Variants in TSPAN32 observed in about 807,000 individuals in gnomAD.
TSPAN32 encodes the protein tetraspanin-32.
In TSPAN32, 47 loss-of-function variants were observed where a neutral mutation model predicts 42.7. The observed-to-expected ratio is 1.10, with a 90% CI of 0.87 to 1.40. TSPAN32 has a LOEUF of 1.40. TSPAN32 is among the 40% of genes most tolerant of loss of function. The pLI is 0.00. For synonymous variants in TSPAN32, 175 were observed against 175.9 expected (o/e 0.99, Z 0.04); for missense variants, 469 against 424.1 (o/e 1.11, Z -0.93).
At position 2,316,821 on chromosome 11, in the gene TSPAN32, G is replaced by A. The variant is rs569560365; in HGVS notation, c.719+154G>A. The stretch of plus-strand genomic sequence containing the variant: ...GCTTTGGGGGTGGCTGAGCACCAGG[G>A]TGGGGTGGGAGACCTGGAGAGTTTC... On this transcript the variant is annotated intron_variant, in intron 8 of 9. Coordinates refer to ENST00000182290, the MANE Select transcript of TSPAN32 (RefSeq NM_139022.3). 2.0e-5 allele frequency among the ~76,000 whole-genome samples: 3 copies of A among 152,196 alleles called. No homozygotes were observed. The East Asian group carries it at 5.8e-4, about 29-fold the overall frequency.
Position 2,316,254 on chromosome 11 carries a change from T to C in TSPAN32, c.569T>C (p.Phe190Ser). 2.5e-6 allele frequency: 4 copies of C among 1,601,012 alleles called. No homozygotes were observed. In the South Asian group the frequency reaches 4.5e-5, roughly 18 times the overall value. ...GACTGCCTTCAGGGCATCCGGAGCT[T>C]CCTGAGGACACACCAGCAGGTCGCC... ...REDCLQGIRS[F>S]LRTHQQVASS... Residue 190 changes from phenylalanine (F) to serine (S), a missense_variant, in exon 7 of 10, where the codon TTC becomes TCC. Coordinates refer to ENST00000182290, the MANE Select transcript of TSPAN32 (RefSeq NM_139022.3).
chr11:2,310,746 T>C (rs1848413435), intron 4 of TSPAN32, among the ~76,000 whole-genome samples: 1 of 152,190 alleles, frequency 6.6e-6, no homozygotes, highest in Non-Finnish European at 1.5e-5. Flanking sequence ...GTGCAAAGAC[T>C]CTTCCTCCTC....
In TSPAN32 at chr11:2,317,609, G is replaced by A. The variant is rs1035183105; in HGVS notation, c.901+84G>A. 2.7e-6 allele frequency: 4 copies of A among 1,500,974 alleles called. No individual in the cohort carries two copies. In the African/African-American group the frequency reaches 5.6e-5, roughly 21 times the overall value. 93.0% of individuals were successfully genotyped at this position (1,500,974 alleles called of 1,614,324 possible). On this transcript the variant is annotated intron_variant, in intron 9 of 9. Transcript: ENST00000182290. This position sits in a 1 kb window ranked among gnomAD's most constrained non-coding sequence, Gnocchi z 6.2. ...GAGGAGGGAAGGGAGTGAAGGCCCA[G>A]CCAGAGAGCCAGGCTCCATTGGGAA... is the stretch of plus-strand genomic sequence containing the variant.
intron 6 of TSPAN32, chr11:2,315,804 C>T (rs1848751656): frequency 3.0e-6 from 4 of 1,321,534 alleles, no homozygotes; most frequent in Non-Finnish European, 3.0e-6. Flanking sequence ...CGGGGACCCC[C>T]CTCACACCCC....
intron 4 of TSPAN32, chr11:2,309,537 G>C: frequency 5.6e-6 from 2 of 355,690 alleles, no homozygotes; most frequent in South Asian, 3.9e-5. Flanking sequence ...CAGCCGGGCG[G>C]CACCAGGGAC....
At chr11:2,311,321 G>A (rs989550706) in intron 4 of TSPAN32, among the ~76,000 whole-genome samples, 1 of 152,168 alleles carries the variant, frequency 6.6e-6, no homozygotes, top group South Asian at 2.1e-4. Flanking sequence ...ATGCTCATGC[G>A]GGCAGGAGGC....
intron 2 of TSPAN32, 62 bp downstream of exon 2, chr11:2,303,020 G>A (rs1414911118): frequency 1.7e-5 from 25 of 1,453,960 alleles, no homozygotes; most frequent in African/African-American, 2.8e-5. Flanking sequence ...TGGCTGGCAC[G>A]AGCCCAGCTG....
chr11:2,315,961 C>G, intron 6 of TSPAN32: 7 of 1,530,024 alleles, frequency 4.6e-6, no homozygotes, highest in Non-Finnish European at 6.1e-6. Flanking sequence ...CCAACATGGA[C>G]GCTCAGGACA....
chr11:2,314,661 A>G, intron 6 of TSPAN32, 90 bp downstream of exon 6: 1 of 1,067,014 alleles, frequency 9.4e-7, no homozygotes, highest in South Asian at 1.4e-5. Context: ...CCATCCTCCC[A>G]CCCCACCCCT....
At chr11:2,306,929 A>AG (rs1264578669) in intron 3 of TSPAN32, 5 of 88,194 alleles carry the variant, frequency 5.7e-5, no homozygotes, top group Admixed American at 2.4e-4. Context: ...GAGGAGATGG[A>AG]GGAGGGGGAA....
chr11:2,302,927 G>A lies in TSPAN32; in HGVS notation c.150G>A (p.Glu50=). 1 of 1,613,728 alleles carries A rather than the reference G, an allele frequency of 6.2e-7. No homozygotes were observed. The highest frequency in any genetic ancestry group is 8.5e-7 in the Non-Finnish European group (1 of 1,179,850). ...CTGTCATCCGCCGAGCGTCCCTGGAGAAGAACCCGTACCAGGCTGTGCACC... is the reference window on the plus strand; with the variant it reads ...CTGTCATCCGCCGAGCGTCCCTGGAAAAGAACCCGTACCAGGCTGTGCACC... ...HFAVIRRASL[E]KNPYQAVHQW... is the part of the protein sequence containing the mutation. The change falls in exon 2 of 10, where the codon GAG becomes GAA. Residue 50 remains glutamate (E), a synonymous_variant. Coordinates refer to ENST00000182290, the MANE Select transcript of TSPAN32 (RefSeq NM_139022.3).
chr11:2,314,196 G>A (rs1848648035), intron 5 of TSPAN32, among the ~76,000 whole-genome samples: 1 of 150,854 alleles, frequency 6.6e-6, no homozygotes, highest in Non-Finnish European at 1.5e-5. Flanking sequence ...AAAAATAAAA[G>A]CACATACAGC....
chr11:2,317,420 G>A lies in TSPAN32; in HGVS notation c.796G>A (p.Glu266Lys), dbSNP rs770684289. The change falls in exon 9 of 10, where the codon GAA (glutamate) becomes AAA (lysine). Residue 266 changes from glutamate to lysine, a missense_variant. Physicochemically the swap from Glu to Lys is moderately conservative, Grantham distance 56. Coordinates refer to ENST00000182290, the MANE Select transcript of TSPAN32 (RefSeq NM_139022.3). This position sits in a 1 kb window ranked among gnomAD's most constrained non-coding sequence, Gnocchi z 6.2. ...TGGACCCACACATTGTCTCCACTCCGAAGCAGTTGCTATTGGTCCAAGAGG... is the reference window on the plus strand; with the variant it reads ...TGGACCCACACATTGTCTCCACTCCAAAGCAGTTGCTATTGGTCCAAGAGG... ...QGGPTHCLHS[E>K]AVAIGPRGCS... The A allele has an allele frequency of 2.4e-5, 38 of 1,603,090 alleles. No homozygotes were observed. Among genetic ancestry groups the A allele is most frequent in the African/African-American group, 2.7e-5 (2 of 74,680 alleles).
chr11:2,304,907 C>T lies in TSPAN32; in HGVS notation c.279+703C>T, dbSNP rs1489019251. On this transcript the variant is annotated intron_variant, in intron 3 of 9. Coordinates refer to ENST00000182290, the MANE Select transcript of TSPAN32 (RefSeq NM_139022.3). This position sits in a 1 kb window ranked among gnomAD's most constrained non-coding sequence, Gnocchi z 4.8. ...CTAGGCCCACAGCCCTCTTCTCTCA[C>T]CCCAGCTGGGGCAGCTCCTCCCTGG... Among the ~76,000 whole-genome samples the T allele has an allele frequency of 6.6e-6, 1 of 152,198 alleles. No homozygotes were observed. Among genetic ancestry groups the T allele is most frequent in the Admixed American group, 6.5e-5 (1 of 15,286 alleles).
chr11:2,305,285 TG>T (rs1207137476), intron 3 of TSPAN32, among the ~76,000 whole-genome samples: 2 of 151,068 alleles, frequency 1.3e-5, no homozygotes, highest in Non-Finnish European at 2.9e-5. Flanking sequence ...CACACGAGCA[TG>T]GGCAGGGACA....
Position 2,302,845 on chromosome 11 carries a change from T to G in TSPAN32, c.68T>G (p.Leu23Arg). The change falls in exon 2 of 10, where the codon CTG (leucine) becomes CGG (arginine). Residue 23 changes from leucine (L) to arginine (R), a missense_variant and splice_region_variant. By Grantham distance (102) the Leu-to-Arg change is moderately radical. Transcript: ENST00000182290. ...QMLVTCFFIL[L>R]LGLSVATMVT... ...ACTCTGAGTCTGCCCTATCCACAGC[T>G]GCTGGGCCTCTCTGTGGCCACCATG... The G allele has an allele frequency of 6.2e-7, 1 of 1,613,132 alleles. No individual in the cohort carries two copies. Among genetic ancestry groups the G allele is most frequent in the Non-Finnish European group, 8.5e-7 (1 of 1,179,462 alleles).
intron 4 of TSPAN32, 56 bp downstream of exon 4, chr11:2,308,866 C>T (rs926017753): frequency 4.4e-5 from 52 of 1,185,366 alleles, no homozygotes; most frequent in Non-Finnish European, 5.4e-5. Flanking sequence ...AGCCAGTGGG[C>T]ACCTGGGGAC....
chr11:2,308,750 C>A lies in TSPAN32; in HGVS notation c.294C>A (p.Phe98Leu). 1 of 1,573,196 alleles carries A rather than the reference C, an allele frequency of 6.4e-7. No individual in the cohort carries two copies. The highest frequency in any genetic ancestry group is 8.6e-7 in the Non-Finnish European group (1 of 1,159,514). Reference protein sequence around the residue: ...QGLMAGGFLCFSLAFCAQVQV... With the variant: ...QGLMAGGFLCLSLAFCAQVQV... ...TCTGCCCCCAGGGCTTCCTGTGCTT[C>A]TCCCTGGCGTTCTGCGCACAGGTGC... The change falls in exon 4 of 10, where the codon TTC becomes TTA. Residue 98 changes from phenylalanine to leucine, a missense_variant. Coordinates refer to ENST00000182290, the MANE Select transcript of TSPAN32 (RefSeq NM_139022.3).
At chr11:2,316,801 G>A (rs1037173880) in intron 8 of TSPAN32, 134 bp downstream of exon 8, 1 of 981,938 alleles carries the variant, frequency 1.0e-6, no homozygotes, top group East Asian at 2.8e-5. Context: ...GAAACGCTTT[G>A]GGGGTGGCTG....
Sources: gnomAD v4.1 joint callset for allele counts (sites outside exome capture counted in the v4.1 genomes callset) on GRCh38, gnomAD v4.1.1 for gene constraint, Gnocchi (gnomAD v3.1) non-coding constraint, MANE v1.5 for transcripts, NCBI Gene and HGNC (gene_info 2026-07-23, HGNC 2026-07-21) for gene names.